The following DENND1A variants were observed in gnomAD, a reference collection of about 807,000 sequenced individuals.
DENND1A encodes the protein DENN domain-containing protein 1A.
A neutral mutation model predicts 113.7 loss-of-function variants in DENND1A; 51 were observed. The observed-to-expected ratio is 0.45, with a 90% CI of 0.36 to 0.57. The LOEUF (loss-of-function observed/expected upper bound fraction) is 0.57. DENND1A is among the 20% of genes least tolerant of loss of function. The pLI is 0.00. For missense variants in DENND1A, 1,258 were observed against 1,395.9 expected, an observed-to-expected ratio of 0.90 and a Z score of 1.57; for synonymous variants, 565 against 570.8, an observed-to-expected ratio of 0.99 and a Z score of 0.14.
intron 22 of DENND1A, among the ~76,000 whole-genome samples, chr9:123,385,330 A>AT (rs2042503661): frequency 1.3e-5 from 2 of 151,952 alleles, no homozygotes; most frequent in East Asian, 3.9e-4. Flanking sequence ...TGCCTGGCTA[A>AT]TTTTTTGTAT....
At chr9:123,484,198 T>A (rs780098728) in intron 13 of DENND1A, among the ~76,000 whole-genome samples, 1 of 152,196 alleles carries the variant, frequency 6.6e-6, no homozygotes, top group South Asian at 2.1e-4. Flanking sequence ...TTATCTTCTA[T>A]CTAGCAGGAC....
At position 123,675,740 on chromosome 9, in the gene DENND1A, C is replaced by G. The variant is rs141528601; in HGVS notation, c.372+980G>C. Among the ~76,000 whole-genome samples the G allele has an allele frequency of 3.3e-4, 51 of 152,282 alleles. No individual in the cohort carries two copies. In the East Asian group the frequency reaches 8.9e-3, roughly 26 times the overall value. ...CAACAAATGATCCTGATGAGAGTATCGTGACCCAGGCACTCTCTTACATTG... is the reference window on the plus strand; with the variant it reads ...CAACAAATGATCCTGATGAGAGTATGGTGACCCAGGCACTCTCTTACATTG... On this transcript the variant is annotated intron_variant, in intron 6 of 23. Transcript: ENST00000394215.
intron 8 of DENND1A, among the ~76,000 whole-genome samples, chr9:123,666,492 G>A (rs1429088434): frequency 2.6e-5 from 4 of 152,084 alleles, no homozygotes; most frequent in African/African-American, 4.8e-5. Flanking sequence ...ATATACAAAG[G>A]TAAAAAGTAG....
intron 9 of DENND1A, among the ~76,000 whole-genome samples, chr9:123,632,308 C>T (rs981218459): frequency 6.6e-6 from 1 of 152,136 alleles, no homozygotes; most frequent in Admixed American, 6.5e-5. Context: ...CCCGTCAAGG[C>T]TCGCAGGTTT....
intron 9 of DENND1A, among the ~76,000 whole-genome samples, chr9:123,645,559 C>T (rs2062272398): frequency 1.3e-5 from 2 of 152,172 alleles, no homozygotes; most frequent in Admixed American, 1.3e-4. Context: ...GCTACGTCAT[C>T]CCCAAACTCC....
intron 5 of DENND1A, among the ~76,000 whole-genome samples, chr9:123,746,967 A>C (rs1271033686): frequency 6.6e-6 from 1 of 152,184 alleles, no homozygotes; most frequent in Admixed American, 6.5e-5. Context: ...ATCCTAGCTC[A>C]GCAGAAAACA....
At chr9:123,578,214 G>A (rs1368100753) in intron 12 of DENND1A, among the ~76,000 whole-genome samples, 2 of 152,156 alleles carry the variant, frequency 1.3e-5, no homozygotes, top group African/African-American at 4.8e-5. Flanking sequence ...GTTGTGCTTT[G>A]CTGGGGATTC....
intron 11 of DENND1A, among the ~76,000 whole-genome samples, chr9:123,607,391 A>C (rs965266868): frequency 1.3e-5 from 2 of 148,668 alleles, no homozygotes; most frequent in African/African-American, 5.0e-5. Flanking sequence ...TGTTCCACTT[A>C]GGTGCCATTG....
chr9:123,516,387 C>T (rs1050598178), intron 13 of DENND1A, among the ~76,000 whole-genome samples: 2 of 152,042 alleles, frequency 1.3e-5, no homozygotes, highest in East Asian at 1.9e-4. Context: ...TAAGACAACA[C>T]TGAGAGCCCA....
At chr9:123,395,466 C>CTGTG (rs1323869628) in intron 21 of DENND1A, among the ~76,000 whole-genome samples, 14 of 71,228 alleles carry the variant, frequency 2.0e-4, no homozygotes, top group African/African-American at 1.3e-3. Flanking sequence ...TACTCTCTCT[C>CTGTG]TCTGTGTGTG....
intron 1 of DENND1A, among the ~76,000 whole-genome samples, chr9:123,881,143 T>C (rs1848256952): frequency 6.6e-6 from 1 of 152,148 alleles, no homozygotes; most frequent in African/African-American, 2.4e-5. Flanking sequence ...CTGAGTTATT[T>C]TTAAAATCAG....
chr9:123,800,970 C>T (rs1437262662), intron 2 of DENND1A, among the ~76,000 whole-genome samples: 1 of 152,150 alleles, frequency 6.6e-6, no homozygotes, highest in Non-Finnish European at 1.5e-5. Context: ...AGTTCCCATT[C>T]ATACAGGAGA....
At chr9:123,874,863 G>C (rs959753757) in intron 2 of DENND1A, among the ~76,000 whole-genome samples, 6 of 152,200 alleles carry the variant, frequency 3.9e-5, no homozygotes, top group African/African-American at 1.4e-4. Context: ...TTTTGTAAAA[G>C]TATGGCATGA....
intron 12 of DENND1A, among the ~76,000 whole-genome samples, chr9:123,568,829 G>C (rs1427425292): frequency 6.6e-6 from 1 of 152,154 alleles, no homozygotes; most frequent in Non-Finnish European, 1.5e-5. Context: ...AAGGGGGGTG[G>C]GAAGTGTGTA....
intron 22 of DENND1A, among the ~76,000 whole-genome samples, chr9:123,384,597 C>T (rs541438966): frequency 1.2e-4 from 18 of 152,368 alleles, no homozygotes; most frequent in African/African-American, 4.3e-4. Flanking sequence ...CCAGTGAGCA[C>T]GGCTGTCACA....
At chr9:123,495,755 C>T (rs2051856764) in intron 13 of DENND1A, among the ~76,000 whole-genome samples, 2 of 152,332 alleles carry the variant, frequency 1.3e-5, no homozygotes, top group South Asian at 2.1e-4. Context: ...ACTAAGCTAT[C>T]TTCATGGCCC....
Position 123,774,962 on chromosome 9 carries a change from A to G in DENND1A, c.133-5399T>C, listed in dbSNP as rs140160795. On this transcript the variant is annotated intron_variant, in intron 3 of 23. Transcript: ENST00000394215. Reference sequence around the variant, plus strand: ...CTTTATACACCTTCATGACCTTTGAAGTCTGAAGCAAAAATACTCCATCTT... The same window carrying G: ...CTTTATACACCTTCATGACCTTTGAGGTCTGAAGCAAAAATACTCCATCTT... Among the ~76,000 whole-genome samples, 13 of 152,316 alleles carry G rather than the reference A, an allele frequency of 8.5e-5. No individual in the cohort carries two copies. In the East Asian group the frequency reaches 2.5e-3, roughly 29 times the overall value.
chr9:123,750,626 T>A (rs1285063262), intron 5 of DENND1A, among the ~76,000 whole-genome samples: 1 of 152,138 alleles, frequency 6.6e-6, no homozygotes, highest in Non-Finnish European at 1.5e-5. Flanking sequence ...CAACACAGTA[T>A]CCAGCTTACT....
intron 13 of DENND1A, among the ~76,000 whole-genome samples, chr9:123,531,552 T>TACACACACA (rs1266925768): frequency 6.0e-5 from 8 of 133,790 alleles, no homozygotes; most frequent in Non-Finnish European, 1.1e-4. Context: ...CCCCTCTCTC[T>TACACACACA]CTACACACAC....
Sources: gnomAD v4.1 joint callset for allele counts (sites outside exome capture counted in the v4.1 genomes callset) on GRCh38, gnomAD v4.1.1 for gene constraint, MANE v1.5 for transcripts, NCBI Gene and HGNC (gene_info 2026-07-23, HGNC 2026-07-21) for gene names.